Variants in RHEX observed in about 807,000 individuals in gnomAD.
RHEX encodes regulator of hemoglobinization and erythroid cell expansion protein.
RHEX carries 18 observed loss-of-function variants against 20.1 expected under a neutral mutation model. The observed-to-expected ratio is 0.90, with a 90% CI of 0.62 to 1.33. The LOEUF (loss-of-function observed/expected upper bound fraction) is 1.33. RHEX is among the 40% of genes most tolerant of loss of function. The pLI is 0.00. For synonymous variants in RHEX, 87 were observed against 77.1 expected (o/e 1.13, Z -0.67); for missense variants, 192 against 214.3 (o/e 0.90, Z 0.65).
intron 1 of RHEX, among the ~76,000 whole-genome samples, chr1:206,095,066 C>T (rs781911507): frequency 2.0e-5 from 3 of 152,040 alleles, no homozygotes; most frequent in Non-Finnish European, 4.4e-5. Flanking sequence ...CACAACCTGC[C>T]GTCTGCAAGA....
intron 1 of RHEX, chr1:206,061,136 C>T (rs1662301583): frequency 6.6e-6 from 1 of 152,172 alleles, no homozygotes; most frequent in Non-Finnish European, 1.5e-5. Context: ...GCCAAATAAT[C>T]TCTTCTAAAT....
chr1:206,069,470 A>G (rs562545932), intron 1 of RHEX, among the ~76,000 whole-genome samples: 10 of 152,358 alleles, frequency 6.6e-5, no homozygotes, highest in East Asian at 1.9e-4. Context: ...GGCAATTCCA[A>G]TAACAGTAGA....
chr1:206,065,658 G>T (rs1403167510), intron 1 of RHEX, among the ~76,000 whole-genome samples: 2 of 152,196 alleles, frequency 1.3e-5, no homozygotes, highest in African/African-American at 4.8e-5. Flanking sequence ...GTGGTGAGAG[G>T]ATAGGGACAG....
chr1:206,083,778 C>G (rs1662783159), intron 1 of RHEX: 2 of 326,766 alleles, frequency 6.1e-6, no homozygotes, highest in Non-Finnish European at 8.8e-6. Context: ...GTGCGGAATT[C>G]CACTTGCAAT....
intron 1 of RHEX, among the ~76,000 whole-genome samples, chr1:206,063,679 C>T (rs1553283688): frequency 6.6e-6 from 1 of 152,278 alleles, no homozygotes; most frequent in Non-Finnish European, 1.5e-5. Context: ...CAGACGGAGT[C>T]TGGTTCACTC....
intron 1 of RHEX, among the ~76,000 whole-genome samples, chr1:206,063,953 C>T (rs1352283631): frequency 5.3e-5 from 8 of 151,332 alleles, no homozygotes; most frequent in East Asian, 3.9e-4. Flanking sequence ...TGAGGAGCGC[C>T]TCTTCCAGGC....
At chr1:206,073,368 A>G (rs764840345) in intron 1 of RHEX, among the ~76,000 whole-genome samples, 1 of 152,262 alleles carries the variant, frequency 6.6e-6, no homozygotes, top group African/African-American at 2.4e-5. Context: ...AACAATCATG[A>G]TGATGATGAT....
At chr1:206,068,358 AG>A (rs1207404233) in intron 1 of RHEX, among the ~76,000 whole-genome samples, 1 of 152,136 alleles carries the variant, frequency 6.6e-6, no homozygotes, top group Non-Finnish European at 1.5e-5. Context: ...GAGGGGGAAA[AG>A]GGGCTAAAAT....
intron 1 of RHEX, 112 bp from the exon 2 acceptor site, chr1:206,097,621 A>G: frequency 1.6e-6 from 1 of 643,664 alleles, no homozygotes. Flanking sequence ...TGAAGCAAGT[A>G]TGATGAATAA....
intron 1 of RHEX, among the ~76,000 whole-genome samples, chr1:206,079,619 G>A (rs976379407): frequency 5.9e-5 from 9 of 152,056 alleles, no homozygotes; most frequent in Admixed American, 1.3e-4. Flanking sequence ...GCAGTGGTGC[G>A]ATCTCAACTC....
chr1:206,069,654 T>A (rs1553284472), intron 1 of RHEX, among the ~76,000 whole-genome samples: 1 of 152,166 alleles, frequency 6.6e-6, no homozygotes, highest in African/African-American at 2.4e-5. Flanking sequence ...ACAGAATTAG[T>A]CTTTGTGCAC....
intron 1 of RHEX, among the ~76,000 whole-genome samples, chr1:206,076,087 T>C (rs896333026): frequency 6.6e-6 from 1 of 152,204 alleles, no homozygotes; most frequent in Non-Finnish European, 1.5e-5. Context: ...AAAAACTTGT[T>C]GTTTTCTGTA....
At chr1:206,084,944 C>T (rs1329527417) in intron 1 of RHEX, among the ~76,000 whole-genome samples, 1 of 152,044 alleles carries the variant, frequency 6.6e-6, no homozygotes, top group Non-Finnish European at 1.5e-5. Flanking sequence ...ATGTAGCCCT[C>T]CTAATAATTC....
chr1:206,076,804 C>T (rs1408900998), intron 1 of RHEX, among the ~76,000 whole-genome samples: 4 of 152,210 alleles, frequency 2.6e-5, no homozygotes, highest in African/African-American at 9.7e-5. Context: ...ATATGGACTA[C>T]ATTTTTCTTA....
chr1:206,091,684 C>T (rs1223775516), intron 1 of RHEX, among the ~76,000 whole-genome samples: 4 of 152,156 alleles, frequency 2.6e-5, no homozygotes, highest in African/African-American at 9.7e-5. Context: ...GCAAATTTTT[C>T]AATCTTCCTA....
intron 1 of RHEX, among the ~76,000 whole-genome samples, chr1:206,088,270 TG>T (rs1662877134): frequency 6.6e-6 from 1 of 152,250 alleles, no homozygotes; most frequent in Non-Finnish European, 1.5e-5. Context: ...AACACTTACA[TG>T]TATCTTCTTT....
At chr1:206,055,825 A>C (rs1662182744) in intron 1 of RHEX, among the ~76,000 whole-genome samples, 1 of 152,286 alleles carries the variant, frequency 6.6e-6, no homozygotes, top group Non-Finnish European at 1.5e-5. Context: ...TTTAACCCAG[A>C]CTGTAGGGCC....
At position 206,081,883 on chromosome 1, in the gene RHEX, C is replaced by T. The variant is rs558613237; in HGVS notation, c.-96-15850C>T. ...ATAATAGAAATAGCAGGCCAAGCAT[C>T]TTGGCATGATCCCCACAGTTAGCTG... On this transcript the variant is annotated intron_variant, in intron 1 of 5. Coordinates refer to ENST00000331555, the MANE Select transcript of RHEX (RefSeq NM_001007544.4). 2.0e-5 allele frequency among the ~76,000 whole-genome samples: 3 copies of T among 152,264 alleles called. No homozygotes were observed. The South Asian group carries it at 6.2e-4, about 32-fold the overall frequency.
chr1:206,064,223 C>A (rs1429071142), intron 1 of RHEX, among the ~76,000 whole-genome samples: 2 of 146,936 alleles, frequency 1.4e-5, no homozygotes, highest in African/African-American at 2.6e-5. Flanking sequence ...AAGTGAGGAG[C>A]GTCTCTGCCC....
Sources: gnomAD v4.1 joint callset for allele counts (sites outside exome capture counted in the v4.1 genomes callset) on GRCh38, gnomAD v4.1.1 for gene constraint, MANE v1.5 for transcripts, NCBI Gene and HGNC (gene_info 2026-07-23, HGNC 2026-07-21) for gene names.